C18orf54: variants seen among roughly 807,000 people sequenced by gnomAD.
C18orf54 encodes lung adenoma susceptibility protein 2.
In C18orf54, 49 loss-of-function variants were observed where a neutral mutation model predicts 49.3. The ratio of observed to expected loss-of-function variants is 0.99; its 90% confidence interval spans 0.79 to 1.26. The LOEUF is 1.26. Ranked by LOEUF, C18orf54 falls within the 50% of genes most tolerant of loss-of-function variation. The pLI, the probability that C18orf54 is intolerant of heterozygous loss-of-function variation, is 0.00. For synonymous variants in C18orf54, 211 were observed against 216.6 expected, an observed-to-expected ratio of 0.97 and a Z score of 0.23; for missense variants, 687 against 620.6, an observed-to-expected ratio of 1.11 and a Z score of -1.14.
At position 54,381,442 on chromosome 18, in the gene C18orf54, T is replaced by A. The variant is rs545810598; in HGVS notation, c.*3196T>A. 4 of 152,290 alleles carry A rather than the reference T, an allele frequency of 2.6e-5. No homozygotes were observed. Among genetic ancestry groups the A allele is most frequent in the South Asian group, 4.1e-4 (2 of 4,826 alleles). 9.4% of individuals were successfully genotyped at this position (152,290 alleles called of 1,614,324 possible). A position where few individuals can be genotyped will look rare whatever the true frequency, so the allele number is the denominator to read the frequency against. Reference sequence around the variant, plus strand: ...AGCTATTTCAACCTTTAACATCTACTGTCTTAGTCTTTTACACAGAAGCCA... The same window carrying A: ...AGCTATTTCAACCTTTAACATCTACAGTCTTAGTCTTTTACACAGAAGCCA... On this transcript the variant is annotated 3_prime_UTR_variant, in exon 9 of 9. Coordinates refer to ENST00000620105, the MANE Select transcript of C18orf54 (RefSeq NM_001288980.2).
Position 54,361,892 on chromosome 18 carries a change from G to A in C18orf54, c.533G>A (p.Gly178Asp), listed in dbSNP as rs200527310. ...PHFQGPYTSM[G>D]KDNFVTPVIR... is the part of the protein sequence containing the mutation. The stretch of plus-strand genomic sequence containing the variant: ...TTTCAAGGACCCTACACTTCCATGG[G>A]CAAGGATAACTTTGTTACTCCTGTT... The change falls in exon 4 of 9, where the codon GGC becomes GAC. Residue 178 changes from glycine to aspartate, a missense_variant. Gly to Asp is a moderately conservative substitution (Grantham distance 94). Coordinates refer to ENST00000620105, the MANE Select transcript of C18orf54 (RefSeq NM_001288980.2). 8.3e-5 allele frequency: 134 copies of A among 1,613,986 alleles called. 2 individuals are homozygous for A. The South Asian group carries it at 1.4e-3, about 17-fold the overall frequency.
At chr18:54,370,400 A>G (rs1409343758) in intron 6 of C18orf54, among the ~76,000 whole-genome samples, 1 of 152,200 alleles carries the variant, frequency 6.6e-6, no homozygotes, top group Non-Finnish European at 1.5e-5. Flanking sequence ...CATAGGTTAT[A>G]TGCAAATACT....
intron 6 of C18orf54, 146 bp downstream of exon 6, chr18:54,365,967 GATTAT>G (rs1231654603): frequency 6.5e-6 from 2 of 305,608 alleles, no homozygotes; most frequent in African/African-American, 4.4e-5. Flanking sequence ...CAGAATTATT[GATTAT>G]ATTATTTTTT....
intron 7 of C18orf54, among the ~76,000 whole-genome samples, chr18:54,373,992 G>T (rs1002516804): frequency 6.6e-6 from 1 of 151,720 alleles, no homozygotes; most frequent in African/African-American, 2.4e-5. Context: ...ATTTTTAATG[G>T]ACATATGTGT....
chr18:54,362,148 C>G lies in C18orf54; in HGVS notation c.789C>G (p.Val263=). The part of the protein sequence containing the change: ...ITSIPDFKYP[V]WLHNQDLLPD... ...GTATACCTGATTTCAAATACCCAGT[C>G]TGGCTGCACAATCAAGACTTGCTAC... Residue 263 remains valine (V), a synonymous_variant, in exon 4 of 9, where the codon GTC becomes GTG. Coordinates refer to ENST00000620105, the MANE Select transcript of C18orf54 (RefSeq NM_001288980.2). 6 of 1,536,266 alleles carry G rather than the reference C, an allele frequency of 3.9e-6. No individual in the cohort carries two copies. Among genetic ancestry groups the G allele is most frequent in the Non-Finnish European group, 5.2e-6 (6 of 1,146,908 alleles).
intron 6 of C18orf54, 33 bp from the exon 7 acceptor site, chr18:54,372,433 T>A: frequency 6.9e-7 from 1 of 1,452,230 alleles, no homozygotes; most frequent in Non-Finnish European, 9.1e-7. Flanking sequence ...GCTTGGATGG[T>A]TAACTTTATA....
rs1299703723 is a variant in C18orf54, at chr18:54,360,777, A to C, written c.205A>C (p.Ser69Arg). Residue 69 changes from serine (S) to arginine (R), a missense_variant, in exon 3 of 9, where the codon AGC becomes CGC. Transcript: ENST00000620105. ...FDLGQIYPGASTGKINIDEDF... is the reference protein window; with the variant it reads ...FDLGQIYPGARTGKINIDEDF... ...TCTAGGCCAAATATATCCTGGTGCA[A>C]GCACTGGAAAAATTAACATTGATGA... The C allele has an allele frequency of 6.2e-7, 1 of 1,613,678 alleles. No homozygotes were observed.
At chr18:54,361,510 A>T (rs377335771) in intron 3 of C18orf54, 133 bp from the exon 4 acceptor site, 17 of 731,030 alleles carry the variant, frequency 2.3e-5, no homozygotes, top group Admixed American at 1.7e-4. Flanking sequence ...ACACCTTTTT[A>T]TGCTTTTAAT....
chr18:54,359,257 A>G (rs1457061027), intron 2 of C18orf54, among the ~76,000 whole-genome samples: 1 of 152,222 alleles, frequency 6.6e-6, no homozygotes, highest in Non-Finnish European at 1.5e-5. Context: ...GGCTTATCCA[A>G]ACAAATTTAC....
At position 54,380,684 on chromosome 18, in the gene C18orf54, G is replaced by A. The variant is rs189173276; in HGVS notation, c.*2438G>A. 8 of 152,072 alleles carry A rather than the reference G, an allele frequency of 5.3e-5. No homozygotes were observed. Among genetic ancestry groups the A allele is most frequent in the African/African-American group, 1.9e-4 (8 of 41,512 alleles). The allele number at this position is 152,072 out of a possible 1,614,324, so 9.4% of individuals were successfully genotyped here. On this transcript the variant is annotated 3_prime_UTR_variant, in exon 9 of 9. Coordinates refer to ENST00000620105, the MANE Select transcript of C18orf54 (RefSeq NM_001288980.2). ...TTTCTTGTTGAAATTTATAATTGTAGGTTTTTTGTATTGTTTTAGTATTTA... is the reference window on the plus strand; with the variant it reads ...TTTCTTGTTGAAATTTATAATTGTAAGTTTTTTGTATTGTTTTAGTATTTA...
chr18:54,370,008 C>T (rs1027837746), intron 6 of C18orf54, among the ~76,000 whole-genome samples: 2 of 151,918 alleles, frequency 1.3e-5, no homozygotes, highest in African/African-American at 2.4e-5. Flanking sequence ...CATAACAATA[C>T]AATAATAAAA....
At chr18:54,375,350 G>C (rs2144753740) in intron 8 of C18orf54, among the ~76,000 whole-genome samples, 1 of 151,418 alleles carries the variant, frequency 6.6e-6, no homozygotes, top group Non-Finnish European at 1.5e-5. Context: ...AGTAAAAGAA[G>C]CGGGATTCAG....
chr18:54,374,436 G>A (rs2089538125), intron 8 of C18orf54, 152 bp downstream of exon 8: 2 of 828,076 alleles, frequency 2.4e-6, no homozygotes, highest in Non-Finnish European at 3.3e-6. Context: ...AAAAAACATT[G>A]TTTTCTTTTA....
chr18:54,363,231 A>C (rs1019945054), intron 5 of C18orf54, among the ~76,000 whole-genome samples: 2 of 152,182 alleles, frequency 1.3e-5, no homozygotes, highest in Non-Finnish European at 2.9e-5. Flanking sequence ...TAGTGTTATG[A>C]AATTCTTGTT....
At chr18:54,376,618 C>T (rs887746704) in intron 8 of C18orf54, among the ~76,000 whole-genome samples, 2 of 152,234 alleles carry the variant, frequency 1.3e-5, no homozygotes, top group African/African-American at 4.8e-5. Context: ...CAGTACTGGC[C>T]ACCACGCCCA....
At chr18:54,370,208 C>T (rs1235423690) in intron 6 of C18orf54, among the ~76,000 whole-genome samples, 7 of 148,570 alleles carry the variant, frequency 4.7e-5, no homozygotes, top group Non-Finnish European at 1.0e-4. Context: ...ACCCAGGAGG[C>T]GGAGCTTGCA....
intron 6 of C18orf54, among the ~76,000 whole-genome samples, chr18:54,368,199 T>G (rs1385025721): frequency 6.6e-6 from 1 of 152,138 alleles, no homozygotes; most frequent in Non-Finnish European, 1.5e-5. Context: ...TTCATTGGAG[T>G]CTGTTACTAG....
intron 6 of C18orf54, 62 bp downstream of exon 6, chr18:54,365,883 A>AT: frequency 1.1e-6 from 1 of 931,608 alleles, no homozygotes; most frequent in Non-Finnish European, 1.5e-6. Context: ...GTAGATACTA[A>AT]TTTTTAAGTT....
intron 5 of C18orf54, among the ~76,000 whole-genome samples, chr18:54,363,662 T>A (rs1317807704): frequency 6.6e-6 from 1 of 152,184 alleles, no homozygotes; most frequent in African/African-American, 2.4e-5. Context: ...TCCCTTTTAG[T>A]TGTTGTTTTC....
Sources: allele counts gnomAD v4.1 joint callset (sites outside exome capture counted in the v4.1 genomes callset), GRCh38; gene constraint gnomAD v4.1.1; transcripts MANE v1.5; gene names NCBI Gene and HGNC (gene_info 2026-07-23, HGNC 2026-07-21).